The following GATAD2B variants were observed in gnomAD, a reference collection of about 807,000 sequenced individuals.
The protein encoded by GATAD2B is GATA zinc finger domain containing 2B.
In GATAD2B, 8 loss-of-function variants were observed where a neutral mutation model predicts 64.3. The observed-to-expected ratio is 0.12, with a 90% CI of 0.07 to 0.22. GATAD2B has a LOEUF of 0.22. Ranked by LOEUF, GATAD2B falls within the 10% of genes least tolerant of loss-of-function variation. The pLI is 1.00. For synonymous variants in GATAD2B, 281 were observed against 271.3 expected, an observed-to-expected ratio of 1.04 and a Z score of -0.35; for missense variants, 453 against 752.0, an observed-to-expected ratio of 0.60 and a Z score of 4.65.
chr1:153,810,361 A>G, intron 10 of GATAD2B, 51 bp from the exon 11 acceptor site: 1 of 1,586,450 alleles, frequency 6.3e-7, no homozygotes, highest in Non-Finnish European at 8.6e-7. Flanking sequence ...AGGAAATAAC[A>G]TTCCCTTCCA....
intron 1 of GATAD2B, among the ~76,000 whole-genome samples, chr1:153,876,581 C>T (rs893538255): frequency 2.6e-5 from 4 of 152,172 alleles, no homozygotes; most frequent in Non-Finnish European, 5.9e-5. Context: ...TTAAATGTGA[C>T]AAGTTAGAGT....
Position 153,837,388 on chromosome 1 carries a change from AC to A in GATAD2B, c.-1-9041del, listed in dbSNP as rs1463344285. Among the ~76,000 whole-genome samples the A allele has an allele frequency of 1.4e-4, 21 of 150,268 alleles. 1 individual carries two copies. The South Asian group carries it at 3.6e-3, about 26-fold the overall frequency. On this transcript the variant is annotated intron_variant, in intron 1 of 10. Coordinates refer to ENST00000368655, the MANE Select transcript of GATAD2B (RefSeq NM_020699.4). Reference sequence around the variant, plus strand: ...AAAAACAAAACAAACAAAAAAAAAAACACAGTAGAATAGAGGTTTCCAGCTA... The same window carrying A: ...AAAAACAAAACAAACAAAAAAAAAAAACAGTAGAATAGAGGTTTCCAGCTA...
intron 1 of GATAD2B, chr1:153,853,212 G>T: frequency 1.7e-6 from 2 of 1,149,016 alleles, no homozygotes; most frequent in Non-Finnish European, 1.3e-6. Flanking sequence ...CTGGATGATG[G>T]GCAGAGCACA....
intron 1 of GATAD2B, among the ~76,000 whole-genome samples, chr1:153,830,482 A>ATTTTTT (rs759668284): frequency 1.5e-5 from 2 of 132,538 alleles, no homozygotes; most frequent in Non-Finnish European, 3.1e-5. Flanking sequence ...TTATTTATTT[A>ATTTTTT]TTTTTTTTTT....
In GATAD2B at chr1:153,844,618, T is replaced by C. The variant is rs568842650; in HGVS notation, c.-1-16270A>G. ...TGAGTTCATATCCTTTGTAGGGACA[T>C]GGATGAAATTGGAAATCATCATTCT... is the stretch of plus-strand genomic sequence containing the variant. On this transcript the variant is annotated intron_variant, in intron 1 of 10. Coordinates refer to ENST00000368655, the MANE Select transcript of GATAD2B (RefSeq NM_020699.4). 7.2e-5 allele frequency among the ~76,000 whole-genome samples: 11 copies of C among 151,854 alleles called. 1 individual carries two copies. In the South Asian group the frequency reaches 2.3e-3, roughly 32 times the overall value.
chr1:153,920,604 T>A (rs1336558836), intron 1 of GATAD2B, among the ~76,000 whole-genome samples: 1 of 152,104 alleles, frequency 6.6e-6, no homozygotes, highest in African/African-American at 2.4e-5. Flanking sequence ...TTAACACACA[T>A]CACATACGGT....
At chr1:153,815,293 C>CAAAAA (rs71093285) in intron 7 of GATAD2B, among the ~76,000 whole-genome samples, 3 of 111,834 alleles carry the variant, frequency 2.7e-5, no homozygotes, top group South Asian at 2.9e-4. Flanking sequence ...AAAAAAAAAA[C>CAAAAA]AAAAAAAAAA....
chr1:153,853,219 C>T, intron 1 of GATAD2B: 1 of 1,135,816 alleles, frequency 8.8e-7, no homozygotes, highest in Non-Finnish European at 1.3e-6. Context: ...ATGGGCAGAG[C>T]ACACTGGTCA....
intron 1 of GATAD2B, among the ~76,000 whole-genome samples, chr1:153,861,818 GTATATA>G (rs909550723): frequency 9.3e-6 from 1 of 107,778 alleles, no homozygotes; most frequent in African/African-American, 3.1e-5. Context: ...ATACACATAT[GTATATA>G]TATGTATATG....
At chr1:153,815,726 TTAGA>T (rs952081613) in intron 7 of GATAD2B, among the ~76,000 whole-genome samples, 2 of 151,540 alleles carry the variant, frequency 1.3e-5, no homozygotes, top group African/African-American at 2.4e-5. Context: ...AGATGATAGA[TTAGA>T]TAGATAGATA....
intron 1 of GATAD2B, among the ~76,000 whole-genome samples, chr1:153,880,981 A>C (rs935883463): frequency 2.0e-5 from 3 of 152,104 alleles, no homozygotes; most frequent in African/African-American, 7.2e-5. Context: ...CAAGGAAAAA[A>C]GTGTATGTGT....
intron 3 of GATAD2B, among the ~76,000 whole-genome samples, chr1:153,819,226 T>C (rs752261927): frequency 6.6e-6 from 1 of 152,238 alleles, no homozygotes; most frequent in Non-Finnish European, 1.5e-5. Context: ...CCTAAATCTC[T>C]TAAAGCCACA....
chr1:153,842,114 G>C lies in GATAD2B; in HGVS notation c.-1-13766C>G, dbSNP rs551111164. 4.6e-5 allele frequency among the ~76,000 whole-genome samples: 7 copies of C among 152,262 alleles called. No individual in the cohort carries two copies. The East Asian group carries it at 1.3e-3, about 29-fold the overall frequency. On this transcript the variant is annotated intron_variant, in intron 1 of 10. Transcript: ENST00000368655. ...TCAGCCACTAGAGGAGAAGCGACTTGAAGTGTGTGCCACTGCACCTGGCTG... is the reference window on the plus strand; with the variant it reads ...TCAGCCACTAGAGGAGAAGCGACTTCAAGTGTGTGCCACTGCACCTGGCTG...
chr1:153,852,283 GC>G (rs1477042685), intron 1 of GATAD2B: 8 of 1,177,492 alleles, frequency 6.8e-6, no homozygotes, highest in African/African-American at 4.5e-5. Flanking sequence ...TTCTGCAGCT[GC>G]CCCTTGCTAG....
intron 1 of GATAD2B, among the ~76,000 whole-genome samples, chr1:153,884,479 G>A (rs1185574407): frequency 6.6e-6 from 1 of 151,674 alleles, no homozygotes; most frequent in African/African-American, 2.4e-5. Context: ...GCAGGTGCCT[G>A]TAATCCCAGC....
chr1:153,918,958 T>TATAAA (rs71096503), intron 1 of GATAD2B, among the ~76,000 whole-genome samples: 27,225 of 151,398 alleles, frequency 0.18, 3,247 homozygotes, highest in Non-Finnish European at 0.26. Flanking sequence ...TCTCAAAAAA[T>TATAAA]ATAAAATAAA....
At chr1:153,866,319 G>C (rs1335462312) in intron 1 of GATAD2B, among the ~76,000 whole-genome samples, 1 of 151,778 alleles carries the variant, frequency 6.6e-6, no homozygotes. Flanking sequence ...ATTCTCTAAT[G>C]ACAATTCATG....
At chr1:153,846,063 G>GTTA (rs1675677904) in intron 1 of GATAD2B, among the ~76,000 whole-genome samples, 1 of 147,100 alleles carries the variant, frequency 6.8e-6, no homozygotes, top group Non-Finnish European at 1.5e-5. Context: ...TTTTTTCGTT[G>GTTA]TTAATTTCAA....
intron 1 of GATAD2B, among the ~76,000 whole-genome samples, chr1:153,854,726 T>C (rs1243902621): frequency 6.6e-6 from 1 of 152,218 alleles, no homozygotes; most frequent in Non-Finnish European, 1.5e-5. Context: ...AATTTAACAT[T>C]TATTTTCATA....
Sources: gnomAD v4.1 joint callset for allele counts (sites outside exome capture counted in the v4.1 genomes callset) on GRCh38, gnomAD v4.1.1 for gene constraint, MANE v1.5 for transcripts, NCBI Gene and HGNC (gene_info 2026-07-23, HGNC 2026-07-21) for gene names.